The following TP63 variants were observed in gnomAD, a reference collection of about 807,000 sequenced individuals.
The protein encoded by TP63 is tumor protein 63.
In TP63, 17 loss-of-function variants were observed where a neutral mutation model predicts 82.8. That is an observed-to-expected ratio of 0.21 (90% confidence interval 0.14 to 0.31). TP63 has a LOEUF of 0.31. Ranked by LOEUF, TP63 falls within the 10% of genes least tolerant of loss-of-function variation. The pLI, the probability that TP63 is intolerant of heterozygous loss-of-function variation, is 1.00. For missense variants in TP63, 648 were observed against 895.3 expected (o/e 0.72, Z 3.52); for synonymous variants, 330 against 321.7 (o/e 1.03, Z -0.28).
chr3:189,617,815 G>A, the TP63 span, among the ~76,000 whole-genome samples: 69,861 of 152,000 alleles, frequency 0.46, 16,954 homozygotes, highest in Middle Eastern at 0.69. Context: ...TGCCAAGTAT[G>A]TCATTTCCAA....
chr3:189,629,962 T>C (rs1729402408), upstream of TP63, among the ~76,000 whole-genome samples: 1 of 152,182 alleles, frequency 6.6e-6, no homozygotes, highest in Admixed American at 6.6e-5. Context: ...TGGAGCAAGC[T>C]GTTTGATTTG....
chr3:189,739,083 G>C (rs1448239900), intron 3 of TP63, among the ~76,000 whole-genome samples: 1 of 152,076 alleles, frequency 6.6e-6, no homozygotes. Flanking sequence ...TTTCTAGCTG[G>C]TAGGGACAGC....
chr3:189,871,435 C>G (rs1577155902), intron 9 of TP63, among the ~76,000 whole-genome samples: 1 of 152,076 alleles, frequency 6.6e-6, no homozygotes, highest in African/African-American at 2.4e-5. Context: ...ACCCAAGAAG[C>G]TCCAAAGATG....
chr3:189,650,721 T>A (rs994505747), intron 1 of TP63, among the ~76,000 whole-genome samples: 2 of 147,520 alleles, frequency 1.4e-5, no homozygotes, highest in Non-Finnish European at 3.0e-5. Context: ...GGTATGTCTT[T>A]ATTAGCAATG....
chr3:189,882,018 C>CAAAAAAA (rs5855276), intron 10 of TP63, among the ~76,000 whole-genome samples: 106 of 139,724 alleles, frequency 7.6e-4, no homozygotes, highest in African/African-American at 2.5e-3. Flanking sequence ...AAGTTCTAAC[C>CAAAAAAA]AAAAAAAAAA....
intron 4 of TP63, among the ~76,000 whole-genome samples, chr3:189,815,235 A>G (rs9817297): frequency 0.26 from 39,875 of 151,952 alleles, 6,455 homozygotes; most frequent in Non-Finnish European, 0.36. Flanking sequence ...TATGGAGAAC[A>G]TGATATATAT....
intron 4 of TP63, among the ~76,000 whole-genome samples, chr3:189,857,130 A>T (rs1208585248): frequency 6.6e-6 from 1 of 152,166 alleles, no homozygotes. Context: ...GACTTACTAT[A>T]AAGTAGATTA....
At position 189,734,337 on chromosome 3, in the gene TP63, A is replaced by G. The variant is rs984365678; in HGVS notation, c.63-3403A>G. 1.4e-4 allele frequency among the ~76,000 whole-genome samples: 22 copies of G among 151,974 alleles called. 1 individual carries two copies. Among genetic ancestry groups the G allele is most frequent in the Admixed American group, 9.2e-4 (14 of 15,270 alleles). On this transcript the variant is annotated intron_variant, in intron 1 of 13. Transcript: ENST00000264731. ...CAGGCACCGGCCGCCAAGCCCAGCT[A>G]ATTTTTGTATTTTTGGAAGAGACAG...
At chr3:189,620,151 C>T in the TP63 span, among the ~76,000 whole-genome samples, 1 of 152,126 alleles carries the variant, frequency 6.6e-6, no homozygotes, top group African/African-American at 2.4e-5. Flanking sequence ...GGCGGGCAGA[C>T]CACGAGGTCA....
At chr3:189,850,494 C>T (rs1715484186) in intron 4 of TP63, among the ~76,000 whole-genome samples, 1 of 151,942 alleles carries the variant, frequency 6.6e-6, no homozygotes, top group Admixed American at 6.6e-5. Context: ...TAAAATATAC[C>T]TGTATATAAG....
chr3:189,659,266 A>T (rs1399599665), intron 1 of TP63, among the ~76,000 whole-genome samples: 1 of 151,890 alleles, frequency 6.6e-6, no homozygotes, highest in Non-Finnish European at 1.5e-5. Context: ...ATGTCCCCGT[A>T]TACCCAATGA....
At chr3:189,798,538 G>T (rs945590280) in intron 3 of TP63, among the ~76,000 whole-genome samples, 3 of 151,994 alleles carry the variant, frequency 2.0e-5, no homozygotes, top group African/African-American at 7.2e-5. Flanking sequence ...TTGCTTTGCA[G>T]GCCCTTTTTA....
chr3:189,762,008 C>G (rs11922856), intron 3 of TP63, among the ~76,000 whole-genome samples: 3,679 of 152,248 alleles, frequency 0.024, 148 homozygotes, highest in African/African-American at 0.083. Context: ...CAGGGTGTCT[C>G]CCACAACAGG....
chr3:189,616,901 C>T, the TP63 span, among the ~76,000 whole-genome samples: 3 of 152,192 alleles, frequency 2.0e-5, no homozygotes, highest in African/African-American at 7.2e-5. Context: ...TTTCATGCTA[C>T]ATCTTTTTCC....
intron 1 of TP63, among the ~76,000 whole-genome samples, chr3:189,710,017 C>A (rs1274288717): frequency 1.3e-5 from 2 of 151,916 alleles, no homozygotes; most frequent in African/African-American, 2.4e-5. Flanking sequence ...TTAGTAATAG[C>A]AAAAATAGGG....
At chr3:189,782,958 A>T (rs576285568) in intron 3 of TP63, among the ~76,000 whole-genome samples, 17 of 152,192 alleles carry the variant, frequency 1.1e-4, no homozygotes, top group African/African-American at 4.1e-4. Flanking sequence ...ATAAACAGGT[A>T]TACTGTTTGG....
intron 1 of TP63, among the ~76,000 whole-genome samples, chr3:189,635,593 A>C (rs1729726078): frequency 6.6e-6 from 1 of 152,072 alleles, no homozygotes; most frequent in African/African-American, 2.4e-5. Flanking sequence ...TTTTGGCTAA[A>C]GGCTGCAGAT....
intron 13 of TP63, among the ~76,000 whole-genome samples, chr3:189,892,068 C>T (rs551772230): frequency 1.3e-5 from 2 of 152,242 alleles, no homozygotes; most frequent in East Asian, 3.9e-4. Context: ...GCAAAAACTG[C>T]AGGGAAAGCT....
At position 189,895,907 on chromosome 3, in the gene TP63, A is replaced by G. The variant is rs994611393; in HGVS notation, c.*1405A>G. On this transcript the variant is annotated 3_prime_UTR_variant, in exon 14 of 14. Transcript: ENST00000264731. ...TAAGAGTTTCAGTTTGTTGGAAAGT[A>G]ACTGTGAGAACCCAGTTTCCCGTCC... is the stretch of plus-strand genomic sequence containing the variant. 5.7e-5 allele frequency: 13 copies of G among 227,382 alleles called. No individual in the cohort carries two copies. The highest frequency in any genetic ancestry group is 2.8e-4 in the Admixed American group (5 of 17,598). 14.1% of individuals were successfully genotyped at this position (227,382 alleles called of 1,614,324 possible).
Sources: gnomAD v4.1 joint callset for allele counts (sites outside exome capture counted in the v4.1 genomes callset) on GRCh38, gnomAD v4.1.1 for gene constraint, MANE v1.5 for transcripts, NCBI Gene and HGNC (gene_info 2026-07-23, HGNC 2026-07-21) for gene names.